TMEM117: variants seen among roughly 807,000 people sequenced by gnomAD.
The protein encoded by TMEM117 is transmembrane protein 117.
Under a neutral mutation model 52.4 loss-of-function variants are expected in TMEM117, and 27 were observed. The ratio of observed to expected loss-of-function variants is 0.51; its 90% CI spans 0.38 to 0.71. TMEM117 has a LOEUF of 0.71. Among genes scored for constraint, TMEM117 ranks in the 30% least tolerant of loss-of-function variants. The probability of loss-of-function intolerance (pLI) is 0.00; values close to 1 mark genes in which losing one functional copy is unlikely to be tolerated. For synonymous variants in TMEM117, 215 were observed against 206.3 expected (o/e 1.04, Z -0.36); for missense variants, 556 against 630.5 (o/e 0.88, Z 1.26).
intron 5 of TMEM117, among the ~76,000 whole-genome samples, chr12:44,288,059 G>A (rs987229720): frequency 6.6e-6 from 1 of 152,152 alleles, no homozygotes; most frequent in African/African-American, 2.4e-5. Flanking sequence ...AACTAACTGA[G>A]CCCTGGCTCT....
intron 3 of TMEM117, among the ~76,000 whole-genome samples, chr12:43,944,681 G>T (rs1358418840): frequency 1.3e-5 from 2 of 152,102 alleles, no homozygotes; most frequent in African/African-American, 4.8e-5. Context: ...ATAGAGTGGG[G>T]CTAAGATGAA....
At chr12:44,097,809 T>G (rs909859296) in intron 3 of TMEM117, among the ~76,000 whole-genome samples, 1 of 150,866 alleles carries the variant, frequency 6.6e-6, no homozygotes, top group Non-Finnish European at 1.5e-5. Flanking sequence ...TGTATACATA[T>G]GTAACAAACC....
chr12:44,284,320 A>C (rs71455478), intron 5 of TMEM117, among the ~76,000 whole-genome samples: 2 of 152,158 alleles, frequency 1.3e-5, no homozygotes, highest in South Asian at 2.1e-4. Context: ...CAAAAAAAAA[A>C]CAACAAAAAA....
chr12:43,956,619 C>T (rs895401452), intron 3 of TMEM117, among the ~76,000 whole-genome samples: 2 of 151,866 alleles, frequency 1.3e-5, no homozygotes, highest in Non-Finnish European at 2.9e-5. Flanking sequence ...CATCTCATGC[C>T]AGTCAGAATG....
At chr12:43,813,259 T>TTTTTTTTTTTC in the TMEM117 span, among the ~76,000 whole-genome samples, 7 of 131,212 alleles carry the variant, frequency 5.3e-5, no homozygotes, top group Non-Finnish European at 9.6e-5. Context: ...TTTTTTTTTT[T>TTTTTTTTTTTC]CTGAGACAGC....
At chr12:43,983,424 A>T (rs1387439218) in intron 3 of TMEM117, among the ~76,000 whole-genome samples, 1 of 151,866 alleles carries the variant, frequency 6.6e-6, no homozygotes, top group African/African-American at 2.4e-5. Context: ...GGTGTAATAC[A>T]CTAGGAGTCA....
intron 6 of TMEM117, among the ~76,000 whole-genome samples, chr12:44,324,565 A>G (rs936411228): frequency 4.6e-5 from 7 of 151,734 alleles, no homozygotes; most frequent in Non-Finnish European, 1.0e-4. Context: ...GTTCTTTGGG[A>G]AAAAAAATTG....
intron 3 of TMEM117, among the ~76,000 whole-genome samples, chr12:44,005,683 A>T (rs1175097964): frequency 6.6e-6 from 1 of 152,182 alleles, no homozygotes; most frequent in Non-Finnish European, 1.5e-5. Flanking sequence ...AGGGTGATAT[A>T]GGTGATATAG....
At chr12:43,807,167 G>A in the TMEM117 span, among the ~76,000 whole-genome samples, 1 of 152,024 alleles carries the variant, frequency 6.6e-6, no homozygotes, top group South Asian at 2.1e-4. Context: ...GCTACTAGGT[G>A]GGAAGCTAGT....
chr12:43,843,925 C>G (rs1943156375), intron 1 of TMEM117, among the ~76,000 whole-genome samples: 1 of 152,182 alleles, frequency 6.6e-6, no homozygotes, highest in South Asian at 2.1e-4. Context: ...GTAATTACAC[C>G]AAATTCATAA....
chr12:44,328,342 T>C (rs2138717551), intron 6 of TMEM117, among the ~76,000 whole-genome samples: 1 of 152,304 alleles, frequency 6.6e-6, no homozygotes, highest in Non-Finnish European at 1.5e-5. Flanking sequence ...TCAAATTGAA[T>C]TGAATTAACT....
chr12:43,840,527 G>A (rs2137345376), intron 1 of TMEM117, among the ~76,000 whole-genome samples: 1 of 152,254 alleles, frequency 6.6e-6, no homozygotes, highest in South Asian at 2.1e-4. Context: ...TTGCCTTAGC[G>A]GAAGTTGAAT....
At chr12:44,281,824 ATCTTTATTATGACTT>A (rs1190934588) in intron 5 of TMEM117, among the ~76,000 whole-genome samples, 1 of 152,170 alleles carries the variant, frequency 6.6e-6, no homozygotes, top group East Asian at 1.9e-4. Flanking sequence ...CTATTGCCAT[ATCTTTATTATGACTT>A]TCTTTACCAA....
At chr12:44,260,572 T>C (rs920688907) in intron 5 of TMEM117, among the ~76,000 whole-genome samples, 21 of 152,208 alleles carry the variant, frequency 1.4e-4, no homozygotes, top group African/African-American at 4.3e-4. Context: ...AAACATACAG[T>C]ATTTATTATT....
chr12:44,306,329 A>G (rs1950902572), intron 6 of TMEM117, among the ~76,000 whole-genome samples: 1 of 152,230 alleles, frequency 6.6e-6, no homozygotes, highest in Non-Finnish European at 1.5e-5. Context: ...AGTAGATGAT[A>G]AACCTAGCAG....
chr12:44,206,370 C>T (rs1207551167), intron 4 of TMEM117, among the ~76,000 whole-genome samples: 10 of 152,164 alleles, frequency 6.6e-5, no homozygotes, highest in Non-Finnish European at 1.0e-4. Context: ...GCATCATAAC[C>T]ATCATGAGCA....
intron 5 of TMEM117, among the ~76,000 whole-genome samples, chr12:44,258,513 T>C (rs1950285758): frequency 6.6e-6 from 1 of 152,132 alleles, no homozygotes; most frequent in Non-Finnish European, 1.5e-5. Context: ...AAAAAAAAGA[T>C]TAGAGTGTTT....
rs1317864834 is a variant in TMEM117, at chr12:44,152,233, TTA to T, written c.510+8618_510+8619del. ...TTTATATTATATATTATAAATATAA[TTA>T]TATATATAATTATAAATATAAAATG... On this transcript the variant is annotated intron_variant, in intron 4 of 7. Transcript: ENST00000266534. Among the ~76,000 whole-genome samples the T allele has an allele frequency of 1.1e-3, 116 of 110,386 alleles. 1 individual carries two copies. The highest frequency in any genetic ancestry group is 2.7e-3 in the African/African-American group (71 of 26,736). The allele number at this position is 110,386 out of a possible 152,430, so 72.4% of individuals were successfully genotyped here. A position where few individuals can be genotyped will look rare whatever the true frequency, so the allele number is the denominator to read the frequency against.
At chr12:44,175,466 T>C (rs1384461202) in intron 4 of TMEM117, among the ~76,000 whole-genome samples, 3 of 152,040 alleles carry the variant, frequency 2.0e-5, no homozygotes, top group Non-Finnish European at 2.9e-5. Context: ...CTGAAAGAAG[T>C]ATAAATGGAA....
Sources: gnomAD v4.1 joint callset for allele counts (sites outside exome capture counted in the v4.1 genomes callset) on GRCh38, gnomAD v4.1.1 for gene constraint, MANE v1.5 for transcripts, NCBI Gene and HGNC (gene_info 2026-07-23, HGNC 2026-07-21) for gene names.